The following ZNF589 variants were observed in gnomAD, a reference collection of about 807,000 sequenced individuals.
ZNF589 encodes KRAB-zinc finger protein SZF1-1.
A neutral mutation model predicts 13.6 loss-of-function variants in ZNF589; 17 were observed. The ratio of observed to expected loss-of-function variants is 1.25; its 90% CI spans 0.86 to 1.88. The LOEUF is 1.88. Ranked by LOEUF, ZNF589 falls within the 40% of genes most tolerant of loss-of-function variation. The pLI is 0.00. For synonymous variants in ZNF589, 148 were observed against 161.6 expected (o/e 0.92, Z 0.64); for missense variants, 407 against 434.0 (o/e 0.94, Z 0.55).
intron 2 of ZNF589, 118 bp downstream of exon 2, chr3:48,247,795 T>C: frequency 9.6e-7 from 1 of 1,046,388 alleles, no homozygotes; most frequent in Admixed American, 2.5e-5. Flanking sequence ...TTATGCCTTG[T>C]GTTAGCCATT....
intron 3 of ZNF589, among the ~76,000 whole-genome samples, chr3:48,265,354 C>T (rs1390513129): frequency 2.3e-5 from 3 of 129,076 alleles, no homozygotes; most frequent in Non-Finnish European, 4.7e-5. Context: ...GATGGGATCT[C>T]GGCTCACTGC....
intron 2 of ZNF589, among the ~76,000 whole-genome samples, chr3:48,260,147 G>T (rs1309685391): frequency 6.6e-6 from 1 of 152,074 alleles, no homozygotes; most frequent in Non-Finnish European, 1.5e-5. Flanking sequence ...TATGGTGTAT[G>T]TTTTTTTGAG....
intron 3 of ZNF589, among the ~76,000 whole-genome samples, chr3:48,263,299 A>G (rs2033985651): frequency 6.6e-6 from 1 of 152,250 alleles, no homozygotes; most frequent in African/African-American, 2.4e-5. Flanking sequence ...TAGTGGAGAC[A>G]GGATTTCACC....
intron 3 of ZNF589, among the ~76,000 whole-genome samples, chr3:48,265,749 C>T (rs2034013174): frequency 6.6e-6 from 1 of 151,998 alleles, no homozygotes; most frequent in Admixed American, 6.6e-5. Context: ...TATTCATTCC[C>T]TTGCCTGACG....
chr3:48,241,758 C>T (rs1005401806), intron 1 of ZNF589, among the ~76,000 whole-genome samples: 2 of 152,098 alleles, frequency 1.3e-5, no homozygotes, highest in South Asian at 2.1e-4. Flanking sequence ...TTTTGAACTC[C>T]AGACCTCGTG....
Position 48,260,920 on chromosome 3 carries a change from C to T in ZNF589, c.204C>T (p.Leu68=). ...NLYKEVMLEN[L]RNLVSLAESK... Reference sequence around the variant, plus strand: ...ACAAAGAAGTGATGCTGGAAAATCTCAGGAATCTGGTCTCATTGGGTAAGG... The same window carrying T: ...ACAAAGAAGTGATGCTGGAAAATCTTAGGAATCTGGTCTCATTGGGTAAGG... The change falls in exon 3 of 4, where the codon CTC becomes CTT. Residue 68 remains leucine, a synonymous_variant. Transcript: ENST00000354698. 6.2e-7 allele frequency: 1 copy of T among 1,614,152 alleles called. No individual in the cohort carries two copies. Among genetic ancestry groups the T allele is most frequent in the Non-Finnish European group, 8.5e-7 (1 of 1,180,010 alleles).
chr3:48,246,630 T>A (rs1208326278), intron 1 of ZNF589, among the ~76,000 whole-genome samples: 1 of 151,904 alleles, frequency 6.6e-6, no homozygotes, highest in African/African-American at 2.4e-5. Flanking sequence ...TTAAAAAATA[T>A]TTTCATTAAA....
rs370843777 is a variant in ZNF589 at position 48,268,599 on chromosome 3, C to A, written c.908C>A (p.Pro303His). ...NHLSTHSGEK[P>H]YVCSHCGRGF... is the part of the protein sequence containing the mutation. Reference sequence around the variant, plus strand: ...CTGAGTACACACTCCGGGGAGAAACCTTATGTGTGCAGCCATTGTGGGCGA... The same window carrying A: ...CTGAGTACACACTCCGGGGAGAAACATTATGTGTGCAGCCATTGTGGGCGA... Residue 303 changes from proline (P) to histidine (H), a missense_variant, in exon 4 of 4, where the codon CCT becomes CAT. Coordinates refer to ENST00000354698, the MANE Select transcript of ZNF589 (RefSeq NM_016089.3). The A allele has an allele frequency of 6.2e-7, 1 of 1,613,882 alleles. No individual in the cohort carries two copies. Among genetic ancestry groups the A allele is most frequent in the South Asian group, 1.1e-5 (1 of 91,064 alleles).
intron 2 of ZNF589, chr3:48,256,406 AC>A: frequency 1.8e-6 from 1 of 564,888 alleles, no homozygotes. Flanking sequence ...AGGAGGGTTG[AC>A]CCCAAGGCCA....
rs774446269 is a variant in ZNF589, at chr3:48,267,983, A to C, written c.292A>C (p.Ser98Arg). ...GGCCTTTGGCAGTCAGCAGTTCCTC[A>C]GCCAAGATGAGCTACACAATCATCC... Reference protein sequence around the residue: ...PLAFGSQQFLSQDELHNHPIP... With the variant: ...PLAFGSQQFLRQDELHNHPIP... The change falls in exon 4 of 4, where the codon AGC becomes CGC. Residue 98 changes from serine (S) to arginine (R), a missense_variant. Ser to Arg is a moderately radical substitution (Grantham distance 110). Transcript: ENST00000354698. 6.2e-7 allele frequency: 1 copy of C among 1,613,984 alleles called. No homozygotes were observed. Among genetic ancestry groups the C allele is most frequent in the Non-Finnish European group, 8.5e-7 (1 of 1,180,038 alleles).
intron 2 of ZNF589, chr3:48,256,590 C>T (rs2033905415): frequency 2.7e-6 from 2 of 738,814 alleles, no homozygotes; most frequent in Non-Finnish European, 4.9e-6. Flanking sequence ...TTCACACACC[C>T]CTCAATCTTG....
intron 2 of ZNF589, among the ~76,000 whole-genome samples, chr3:48,259,543 T>C (rs1043727516): frequency 4.6e-5 from 7 of 152,160 alleles, no homozygotes; most frequent in East Asian, 1.9e-4. Flanking sequence ...GACAAGAAGA[T>C]TGATGTATAC....
intron 3 of ZNF589, among the ~76,000 whole-genome samples, chr3:48,262,487 G>A (rs902351809): frequency 1.3e-5 from 2 of 152,070 alleles, no homozygotes; most frequent in Non-Finnish European, 2.9e-5. Flanking sequence ...CACTGTGCCC[G>A]GCTTCACATT....
Position 48,269,037 on chromosome 3 carries a change from G to A in ZNF589, c.*251G>A, listed in dbSNP as rs2034058637. 2 of 685,190 alleles carry A rather than the reference G, an allele frequency of 2.9e-6. No homozygotes were observed. Among genetic ancestry groups the A allele is most frequent in the Non-Finnish European group, 5.0e-6 (2 of 399,732 alleles). 42.4% of individuals were successfully genotyped at this position (685,190 alleles called of 1,614,324 possible). A position where few individuals can be genotyped will look rare whatever the true frequency, so the allele number is the denominator to read the frequency against. ...GAGAAGCCTTATGTGTGTGGGGAAT[G>A]TGGGCGGGGATTTAGCCGGAGGATA... is the stretch of plus-strand genomic sequence containing the variant. On this transcript the variant is annotated 3_prime_UTR_variant, in exon 4 of 4. Coordinates refer to ENST00000354698, the MANE Select transcript of ZNF589 (RefSeq NM_016089.3).
intron 2 of ZNF589, chr3:48,258,081 G>A (rs1344689735): frequency 3.3e-6 from 1 of 299,008 alleles, no homozygotes; most frequent in Admixed American, 4.8e-5. Context: ...GGATTTTGAT[G>A]GGAATTGTGT....
chr3:48,259,117 T>C (rs926197761), intron 2 of ZNF589, among the ~76,000 whole-genome samples: 1 of 152,200 alleles, frequency 6.6e-6, no homozygotes, highest in Non-Finnish European at 1.5e-5. Flanking sequence ...CACTGCCCGC[T>C]CAGGCCTTGG....
At chr3:48,266,665 A>G (rs904327843) in intron 3 of ZNF589, among the ~76,000 whole-genome samples, 1 of 152,206 alleles carries the variant, frequency 6.6e-6, no homozygotes, top group Non-Finnish European at 1.5e-5. Context: ...GCCGTCACAA[A>G]AAAGTTCCTG....
intron 2 of ZNF589, 81 bp downstream of exon 2, chr3:48,247,758 G>A: frequency 1.3e-6 from 2 of 1,507,782 alleles, no homozygotes; most frequent in South Asian, 2.4e-5. Flanking sequence ...TCTTGGGAAG[G>A]GAGGAAGTGA....
Position 48,268,130 on chromosome 3 carries a change from G to C in ZNF589, c.439G>C (p.Val147Leu). The change falls in exon 4 of 4, where the codon GTG (valine) becomes CTG (leucine). Residue 147 changes from valine (V) to leucine (L), a missense_variant. Transcript: ENST00000354698. ...HRGAEAEDQRVEGGVRPLFWS... is the reference protein window; with the variant it reads ...HRGAEAEDQRLEGGVRPLFWS... ...GGGGGCTGAAGCAGAAGATCAACGA[G>C]TGGAAGGAGGCGTCAGACCCTTGTT... The C allele has an allele frequency of 6.2e-7, 1 of 1,614,206 alleles. No homozygotes were observed. Among genetic ancestry groups the C allele is most frequent in the South Asian group, 1.1e-5 (1 of 91,090 alleles).
Sources: gnomAD v4.1 joint callset for allele counts (sites outside exome capture counted in the v4.1 genomes callset) on GRCh38, gnomAD v4.1.1 for gene constraint, MANE v1.5 for transcripts, NCBI Gene and HGNC (gene_info 2026-07-23, HGNC 2026-07-21) for gene names.